ZNF704: variants seen among roughly 807,000 people sequenced by gnomAD.
ZNF704 encodes the protein glucocorticoid induced gene 1.
A neutral mutation model predicts 44.7 loss-of-function variants in ZNF704; 10 were observed. The observed-to-expected ratio is 0.22, with a 90% CI of 0.14 to 0.38. The LOEUF is 0.38. ZNF704 is among the 10% of genes least tolerant of loss of function. The probability of loss-of-function intolerance (pLI) is 1.00; values close to 1 mark genes in which losing one functional copy is unlikely to be tolerated. For missense variants in ZNF704, 390 were observed against 545.5 expected, an observed-to-expected ratio of 0.71 and a Z score of 2.84; for synonymous variants, 211 against 207.6, an observed-to-expected ratio of 1.02 and a Z score of -0.14.
At chr8:80,644,165 A>G (rs533726418) in intron 7 of ZNF704, among the ~76,000 whole-genome samples, 33 of 152,306 alleles carry the variant, frequency 2.2e-4, no homozygotes, top group African/African-American at 7.9e-4. Context: ...AGATTAGGAG[A>G]CTAAGGCAGA....
chr8:80,678,851 G>C (rs913205413), intron 4 of ZNF704, among the ~76,000 whole-genome samples: 4 of 152,146 alleles, frequency 2.6e-5, no homozygotes, highest in African/African-American at 9.7e-5. Flanking sequence ...AGGGCTTCTG[G>C]TTCATAGATC....
intron 2 of ZNF704, among the ~76,000 whole-genome samples, chr8:80,714,670 T>C (rs951141514): frequency 8.5e-5 from 13 of 152,190 alleles, no homozygotes; most frequent in Non-Finnish European, 1.5e-4. Flanking sequence ...CAAGAAAAGA[T>C]AGCTCAAAAA....
intron 2 of ZNF704, among the ~76,000 whole-genome samples, chr8:80,693,824 G>A (rs1043613376): frequency 6.6e-6 from 1 of 152,220 alleles, no homozygotes; most frequent in African/African-American, 2.4e-5. Flanking sequence ...AGTGAAATGG[G>A]AAGTCCCTGG....
chr8:80,775,821 C>CTA (rs1807401387), intron 2 of ZNF704, among the ~76,000 whole-genome samples: 1 of 152,072 alleles, frequency 6.6e-6, no homozygotes, highest in Non-Finnish European at 1.5e-5. Flanking sequence ...AAAACACTGC[C>CTA]TTACATGGGA....
intron 2 of ZNF704, among the ~76,000 whole-genome samples, chr8:80,790,698 T>C (rs926456219): frequency 6.6e-6 from 1 of 151,688 alleles, no homozygotes. Flanking sequence ...CGGGGTGAGA[T>C]GGTGACACAC....
intron 2 of ZNF704, among the ~76,000 whole-genome samples, chr8:80,761,834 T>G (rs1412797494): frequency 6.6e-6 from 1 of 152,226 alleles, no homozygotes; most frequent in African/African-American, 2.4e-5. Context: ...CTGTGGTTGG[T>G]AATTGTGTAC....
intron 2 of ZNF704, among the ~76,000 whole-genome samples, chr8:80,797,723 G>A (rs1189962818): frequency 6.6e-6 from 1 of 152,098 alleles, no homozygotes; most frequent in Non-Finnish European, 1.5e-5. Context: ...GATGGGAGAG[G>A]CAGCTTCAAA....
chr8:80,839,683 G>C (rs1342917226), intron 1 of ZNF704, among the ~76,000 whole-genome samples: 1 of 152,184 alleles, frequency 6.6e-6, no homozygotes, highest in Non-Finnish European at 1.5e-5. Context: ...TTCATAAGAA[G>C]GGAGATGGCT....
intron 2 of ZNF704, among the ~76,000 whole-genome samples, chr8:80,816,951 T>C (rs184759500): frequency 3.3e-4 from 51 of 152,284 alleles, no homozygotes; most frequent in Admixed American, 2.9e-3. Flanking sequence ...ACAGTAAAGA[T>C]TGTTCCTACC....
At chr8:80,872,534 T>G (rs1809270411) in intron 1 of ZNF704, among the ~76,000 whole-genome samples, 1 of 151,950 alleles carries the variant, frequency 6.6e-6, no homozygotes, top group Admixed American at 6.5e-5. Context: ...TTCTGAAAAC[T>G]CTGGTAAAAT....
At chr8:80,797,627 C>A (rs1807828294) in intron 2 of ZNF704, among the ~76,000 whole-genome samples, 1 of 152,100 alleles carries the variant, frequency 6.6e-6, no homozygotes, top group Non-Finnish European at 1.5e-5. Context: ...CAGAGACCTG[C>A]AAGGACCCTG....
chr8:80,742,364 A>G (rs1806775399), intron 2 of ZNF704, among the ~76,000 whole-genome samples: 1 of 152,192 alleles, frequency 6.6e-6, no homozygotes, highest in South Asian at 2.1e-4. Context: ...CGAAAGAAGG[A>G]AAAATACTTT....
Position 80,630,382 on chromosome 8 carries a change from TTTCTC to T in ZNF704, c.*10979_*10983del, listed in dbSNP as rs1817563914. On this transcript the variant is annotated 3_prime_UTR_variant, in exon 9 of 9. Coordinates refer to ENST00000327835, the MANE Select transcript of ZNF704 (RefSeq NM_001033723.3). ...AGTGTCACACAGGAAGGACTGCTGTTTTCTCTTCATTCTTTCTCCTTTACTTGTTT... is the reference window on the plus strand; with the variant it reads ...AGTGTCACACAGGAAGGACTGCTGTTTTCATTCTTTCTCCTTTACTTGTTT... 3 of 152,220 alleles carry T rather than the reference TTTCTC, an allele frequency of 2.0e-5. No homozygotes were observed. The highest frequency in any genetic ancestry group is 7.2e-5 in the African/African-American group (3 of 41,466). The allele number at this position is 152,220 out of a possible 1,614,324, so 9.4% of individuals were successfully genotyped here.
At chr8:80,673,748 G>C (rs1012973019) in intron 4 of ZNF704, among the ~76,000 whole-genome samples, 1 of 152,220 alleles carries the variant, frequency 6.6e-6, no homozygotes, top group Non-Finnish European at 1.5e-5. Flanking sequence ...CAGAATTGAA[G>C]AGTGCTCATG....
intron 1 of ZNF704, among the ~76,000 whole-genome samples, chr8:80,856,164 G>A (rs1297808267): frequency 6.6e-6 from 1 of 152,112 alleles, no homozygotes; most frequent in East Asian, 1.9e-4. Context: ...TTGCTTGGTT[G>A]CCGGGGCTGG....
chr8:80,754,780 C>A (rs1291492176), intron 2 of ZNF704, among the ~76,000 whole-genome samples: 1 of 152,160 alleles, frequency 6.6e-6, no homozygotes, highest in Non-Finnish European at 1.5e-5. Flanking sequence ...ACATGTGTTG[C>A]TTCTCTAACG....
intron 7 of ZNF704, among the ~76,000 whole-genome samples, chr8:80,652,840 C>G (rs1817945307): frequency 6.6e-6 from 1 of 152,154 alleles, no homozygotes; most frequent in African/African-American, 2.4e-5. Context: ...CATCCTGATA[C>G]CAAAGCCTGG....
intron 2 of ZNF704, among the ~76,000 whole-genome samples, chr8:80,757,783 G>T (rs1451628343): frequency 6.6e-6 from 1 of 152,096 alleles, no homozygotes; most frequent in East Asian, 1.9e-4. Context: ...TGTTACAATT[G>T]CCTGCAGTAT....
chr8:80,748,794 GAGA>G (rs1471092390), intron 2 of ZNF704, among the ~76,000 whole-genome samples: 15 of 152,164 alleles, frequency 9.9e-5, no homozygotes, highest in African/African-American at 3.6e-4. Context: ...GAGGAAGGGA[GAGA>G]AGAAGGAAGT....
Sources: gnomAD v4.1 joint callset for allele counts (sites outside exome capture counted in the v4.1 genomes callset) on GRCh38, gnomAD v4.1.1 for gene constraint, MANE v1.5 for transcripts, NCBI Gene and HGNC (gene_info 2026-07-23, HGNC 2026-07-21) for gene names.